OSBPL9: variants seen among roughly 807,000 people sequenced by gnomAD.
OSBPL9 encodes the protein oxysterol binding protein like 9.
OSBPL9 carries 40 observed loss-of-function variants against 106.6 expected under a neutral mutation model. That is an observed-to-expected ratio of 0.38 (90% CI 0.29 to 0.49). The LOEUF (loss-of-function observed/expected upper bound fraction) is 0.49. Among genes scored for constraint, OSBPL9 ranks in the 20% least tolerant of loss-of-function variants. The pLI is 0.97. For missense variants in OSBPL9, 609 were observed against 887.2 expected, an observed-to-expected ratio of 0.69 and a Z score of 3.98; for synonymous variants, 269 against 295.4, an observed-to-expected ratio of 0.91 and a Z score of 0.92.
chr1:51,774,202 G>A (rs566351356), intron 14 of OSBPL9, among the ~76,000 whole-genome samples: 11 of 152,290 alleles, frequency 7.2e-5, no homozygotes, highest in Non-Finnish European at 1.2e-4. Flanking sequence ...GTGAAGCATG[G>A]ATGGGGAGAG....
At chr1:51,555,266 C>T in the OSBPL9 span, among the ~76,000 whole-genome samples, 27 of 151,976 alleles carry the variant, frequency 1.8e-4, no homozygotes, top group African/African-American at 6.0e-4. Flanking sequence ...CCGAGGCGGG[C>T]GGATCCTGAG....
In OSBPL9 at chr1:51,683,068, G is replaced by A. The variant is rs902072337; in HGVS notation, c.241+13556G>A. On this transcript the variant is annotated intron_variant, in intron 3 of 23. Transcript: ENST00000428468. ...ATTTTTGTATTTTTAGTAGAGATGG[G>A]GTTTTGCCACGTTGGCCAGGCTGGT... Among the ~76,000 whole-genome samples the A allele has an allele frequency of 3.0e-4, 45 of 151,994 alleles. 2 individuals carry two copies. In the South Asian group the frequency reaches 7.9e-3, roughly 27 times the overall value.
At chr1:51,587,216 TTAGC>T (rs1645251598) in intron 1 of OSBPL9, among the ~76,000 whole-genome samples, 1 of 152,074 alleles carries the variant, frequency 6.6e-6, no homozygotes, top group African/African-American at 2.4e-5. Context: ...AATACAAAAA[TTAGC>T]TAGGCGTGGT....
At chr1:51,595,052 A>C (rs1645293150) in intron 1 of OSBPL9, among the ~76,000 whole-genome samples, 1 of 152,110 alleles carries the variant, frequency 6.6e-6, no homozygotes, top group Non-Finnish European at 1.5e-5. Context: ...ACCTTGACCC[A>C]GGGGCGGGGG....
intron 3 of OSBPL9, among the ~76,000 whole-genome samples, chr1:51,688,421 C>T (rs1344897110): frequency 6.6e-6 from 1 of 151,820 alleles, no homozygotes; most frequent in Admixed American, 6.6e-5. Flanking sequence ...TGCTCAAGCC[C>T]AGGAGTTCAA....
At chr1:51,539,132 C>T in the OSBPL9 span, among the ~76,000 whole-genome samples, 2 of 152,284 alleles carry the variant, frequency 1.3e-5, no homozygotes, top group East Asian at 3.9e-4. Flanking sequence ...AAATGTGTAA[C>T]CAACTGTCTA....
intron 15 of OSBPL9, among the ~76,000 whole-genome samples, chr1:51,777,205 A>T (rs1206521439): frequency 6.6e-6 from 1 of 152,204 alleles, no homozygotes; most frequent in Non-Finnish European, 1.5e-5. Flanking sequence ...GGCACTGGCA[A>T]TCACTGTCAA....
chr1:51,565,893 C>T, the OSBPL9 span: 6 of 152,178 alleles, frequency 3.9e-5, no homozygotes, highest in Admixed American at 3.3e-4. Flanking sequence ...TTATCTGCCT[C>T]CCTTACTATA....
chr1:51,526,590 A>C, the OSBPL9 span, among the ~76,000 whole-genome samples: 4 of 152,160 alleles, frequency 2.6e-5, no homozygotes. Context: ...TGGGGAAAGT[A>C]GCTCAAAAGA....
intron 15 of OSBPL9, among the ~76,000 whole-genome samples, chr1:51,778,553 G>A (rs1258994921): frequency 1.3e-5 from 2 of 152,136 alleles, no homozygotes; most frequent in Non-Finnish European, 2.9e-5. Context: ...ATTTTGTAAT[G>A]ATAAAAGCAT....
the OSBPL9 span, chr1:51,518,429 C>G: frequency 2.6e-5 from 4 of 152,502 alleles, no homozygotes; most frequent in African/African-American, 9.7e-5. Flanking sequence ...AAGGGATCCA[C>G]CTGGACAGCG....
intron 3 of OSBPL9, among the ~76,000 whole-genome samples, chr1:51,687,016 A>G (rs545744610): frequency 3.3e-5 from 5 of 152,356 alleles, no homozygotes; most frequent in African/African-American, 1.2e-4. Context: ...AGAAATGCAT[A>G]TAAATACTCA....
At chr1:51,597,954 T>C (rs1316712268) in intron 1 of OSBPL9, among the ~76,000 whole-genome samples, 1 of 152,230 alleles carries the variant, frequency 6.6e-6, no homozygotes, top group East Asian at 1.9e-4. Context: ...CATGGACCTT[T>C]AGGCAACTAA....
the OSBPL9 span, among the ~76,000 whole-genome samples, chr1:51,571,762 G>A: frequency 6.6e-6 from 1 of 152,196 alleles, no homozygotes; most frequent in South Asian, 2.1e-4. Context: ...GGAGGAGGGC[G>A]TGTGCACAAG....
rs201645135 is a variant in OSBPL9 at position 51,721,412 on chromosome 1, C to CT, written c.318+7342dup. ...ATTATCAATAGAGACATTGTAAAAC[C>CT]TTTTTTTTTCCCAAAAGAAGTATCA... On this transcript the variant is annotated intron_variant, in intron 4 of 23. Transcript: ENST00000428468. Among the ~76,000 whole-genome samples, 736 of 151,048 alleles carry CT rather than the reference C, an allele frequency of 4.9e-3. 2 individuals are homozygous for CT. Among genetic ancestry groups the CT allele is most frequent in the Non-Finnish European group, 7.7e-3 (523 of 67,660 alleles).
Position 51,703,488 on chromosome 1 carries a change from A to G in OSBPL9, c.242-10515A>G, listed in dbSNP as rs536388913. ...GAATGCTTGTGATTTTTGCACATTG[A>G]TTTTGTATTCTGAGACTTTGCTGAA... On this transcript the variant is annotated intron_variant, in intron 3 of 23. Transcript: ENST00000428468. Among the ~76,000 whole-genome samples the G allele has an allele frequency of 1.2e-4, 19 of 152,256 alleles. No homozygotes were observed. The South Asian group carries it at 3.1e-3, about 25-fold the overall frequency.
At position 51,781,161 on chromosome 1, in the gene OSBPL9, C is replaced by A; in HGVS notation, c.1257-3C>A. ...CATTAAATTTTGTCTTTCTCCCTTG[C>A]AGCATTAGTGACCAGAAGGATCCCA... On this transcript the variant is annotated splice_polypyrimidine_tract_variant and splice_region_variant and intron_variant, in intron 15 of 23. Coordinates refer to ENST00000428468, the MANE Select transcript of OSBPL9 (RefSeq NM_024586.6). 1 of 1,613,608 alleles carries A rather than the reference C, an allele frequency of 6.2e-7. No homozygotes were observed. Among genetic ancestry groups the A allele is most frequent in the Non-Finnish European group, 8.5e-7 (1 of 1,179,684 alleles).
chr1:51,613,095 G>A (rs1173679636), upstream of OSBPL9, among the ~76,000 whole-genome samples: 1 of 152,190 alleles, frequency 6.6e-6, no homozygotes, highest in Non-Finnish European at 1.5e-5. Flanking sequence ...AGATAATTCA[G>A]ATCAAACAAT....
intron 3 of OSBPL9, among the ~76,000 whole-genome samples, chr1:51,676,130 C>A (rs1651126900): frequency 6.6e-6 from 1 of 152,100 alleles, no homozygotes; most frequent in South Asian, 2.1e-4. Flanking sequence ...AGAGATTTGT[C>A]AACTAGTTTA....
Sources: gnomAD v4.1 joint callset for allele counts (sites outside exome capture counted in the v4.1 genomes callset) on GRCh38, gnomAD v4.1.1 for gene constraint, MANE v1.5 for transcripts, NCBI Gene and HGNC (gene_info 2026-07-23, HGNC 2026-07-21) for gene names.